GALNT3: variants seen among roughly 807,000 people sequenced by gnomAD.
GALNT3 encodes GalNAc transferase 3.
In GALNT3, 51 loss-of-function variants were observed where a neutral mutation model predicts 69.8. That is an observed-to-expected ratio of 0.73 (90% CI 0.58 to 0.92). GALNT3 has a LOEUF of 0.92. GALNT3 is among the 40% of genes least tolerant of loss of function. The pLI, the probability that GALNT3 is intolerant of heterozygous loss-of-function variation, is 0.00. For synonymous variants in GALNT3, 265 were observed against 248.5 expected, an observed-to-expected ratio of 1.07 and a Z score of -0.63; for missense variants, 711 against 760.0, an observed-to-expected ratio of 0.94 and a Z score of 0.76.
chr2:165,752,483 A>G (rs1235478032), intron 9 of GALNT3, among the ~76,000 whole-genome samples: 1 of 152,194 alleles, frequency 6.6e-6, no homozygotes, highest in Non-Finnish European at 1.5e-5. Flanking sequence ...GCTACTTTAT[A>G]GGTTCTAAAC....
chr2:165,763,195 TG>T, intron 3 of GALNT3, among the ~76,000 whole-genome samples: 1 of 152,148 alleles, frequency 6.6e-6, no homozygotes, highest in Non-Finnish European at 1.5e-5. Flanking sequence ...GCAGCCTTCT[TG>T]GGCCCAAAAC....
chr2:165,786,451 C>T (rs553204316), intron 1 of GALNT3, among the ~76,000 whole-genome samples: 1 of 152,316 alleles, frequency 6.6e-6, no homozygotes, highest in East Asian at 1.9e-4. Context: ...ACACCAGCAT[C>T]TGCAGATGTT....
chr2:165,786,267 T>C (rs569322844), intron 1 of GALNT3, among the ~76,000 whole-genome samples: 8 of 152,284 alleles, frequency 5.3e-5, no homozygotes, highest in African/African-American at 1.9e-4. Context: ...ATGAAAGTAG[T>C]TGCTTTTAGG....
chr2:165,781,897 G>A (rs1683118370), intron 1 of GALNT3, among the ~76,000 whole-genome samples: 1 of 152,086 alleles, frequency 6.6e-6, no homozygotes, highest in African/African-American at 2.4e-5. Flanking sequence ...ATTGTTTTTG[G>A]TGGTCCTTGT....
intron 1 of GALNT3, among the ~76,000 whole-genome samples, chr2:165,774,617 G>A (rs563779768): frequency 1.0e-3 from 153 of 152,258 alleles, no homozygotes; most frequent in African/African-American, 3.4e-3. Flanking sequence ...GTAGGTTTTA[G>A]TTTGGGATGC....
intron 1 of GALNT3, among the ~76,000 whole-genome samples, chr2:165,788,915 C>A (rs1358572486): frequency 6.6e-6 from 1 of 152,114 alleles, no homozygotes; most frequent in Admixed American, 6.6e-5. Context: ...AGAGAATTTG[C>A]ATTTCTAAAA....
chr2:165,787,914 C>T (rs1173165281), intron 1 of GALNT3, among the ~76,000 whole-genome samples: 2 of 151,786 alleles, frequency 1.3e-5, no homozygotes, highest in Admixed American at 1.3e-4. Flanking sequence ...CCAAAAGGTC[C>T]CAAAATAAAA....
At position 165,757,584 on chromosome 2, in the gene GALNT3, A is replaced by G. The variant is rs371741677; in HGVS notation, c.1192-337T>C. On this transcript the variant is annotated intron_variant, in intron 6 of 10. Transcript: ENST00000392701. The stretch of plus-strand genomic sequence containing the variant: ...CACAGAAAACTAAAGGCTCTTATGC[A>G]TTTGACTTCTGTCTGAACTACTGAC... Among the ~76,000 whole-genome samples the G allele has an allele frequency of 3.6e-4, 55 of 152,320 alleles. 1 individual carries two copies. The East Asian group carries it at 0.01, about 28-fold the overall frequency.
At chr2:165,779,183 C>A (rs1240450678) in intron 1 of GALNT3, among the ~76,000 whole-genome samples, 2 of 152,146 alleles carry the variant, frequency 1.3e-5, no homozygotes, top group African/African-American at 2.4e-5. Context: ...AGCCAGTGAG[C>A]ATCACAGAAA....
chr2:165,785,866 C>A (rs1006141764), intron 1 of GALNT3, among the ~76,000 whole-genome samples: 1 of 151,976 alleles, frequency 6.6e-6, no homozygotes, highest in East Asian at 1.9e-4. Context: ...GAAAACCAAG[C>A]TGAAAAGATG....
At chr2:165,757,313 T>C (rs970980017) in intron 6 of GALNT3, 66 bp from the exon 7 acceptor site, 14 of 1,504,290 alleles carry the variant, frequency 9.3e-6, no homozygotes, top group African/African-American at 1.4e-5. Flanking sequence ...TGCTTTTAAG[T>C]TCACCTTTAA....
intron 7 of GALNT3, 66 bp from the exon 8 acceptor site, chr2:165,755,129 C>A: frequency 7.3e-7 from 1 of 1,373,808 alleles, no homozygotes; most frequent in Non-Finnish European, 1.0e-6. Flanking sequence ...ACTTAAAATA[C>A]TCTTATTTGT....
intron 2 of GALNT3, among the ~76,000 whole-genome samples, chr2:165,768,660 C>T (rs1688691082): frequency 6.6e-6 from 1 of 152,140 alleles, no homozygotes; most frequent in South Asian, 2.1e-4. Flanking sequence ...AATCCTAAAT[C>T]TAGAAAAACC....
intron 9 of GALNT3, among the ~76,000 whole-genome samples, chr2:165,754,417 T>A (rs1172666359): frequency 6.2e-4 from 55 of 88,796 alleles, no homozygotes; most frequent in Non-Finnish European, 1.2e-3. Flanking sequence ...TTTTTTTTTT[T>A]AATGGTTAAG....
rs141293620 is a variant in GALNT3, at chr2:165,759,470, C to T, written c.939G>A (p.Thr313=). ...SPDIASIDLN[T]FEFNKPSPYG... ...AAGGAGAAGGTTTGTTGAATTCAAA[C>T]GTGTTCAGATCTATGGATGCAATAT... is the stretch of plus-strand genomic sequence containing the variant. Residue 313 remains threonine, a synonymous_variant, in exon 5 of 11, where the codon ACG becomes ACA. Coordinates refer to ENST00000392701, the MANE Select transcript of GALNT3 (RefSeq NM_004482.4). 1.3e-5 allele frequency: 21 copies of T among 1,614,020 alleles called. No individual in the cohort carries two copies. Among genetic ancestry groups the T allele is most frequent in the Non-Finnish European group, 1.7e-5 (20 of 1,180,000 alleles).
intron 3 of GALNT3, among the ~76,000 whole-genome samples, chr2:165,762,663 C>G (rs1455719069): frequency 6.6e-6 from 1 of 152,100 alleles, no homozygotes. Flanking sequence ...AAATATGAAA[C>G]AGGCAAATTT....
intron 1 of GALNT3, among the ~76,000 whole-genome samples, chr2:165,787,192 A>C (rs1683240762): frequency 6.6e-6 from 1 of 152,200 alleles, no homozygotes; most frequent in African/African-American, 2.4e-5. Context: ...TAGTGATGAA[A>C]AAGTGGGAGC....
chr2:165,770,948 C>T (rs1688742745), intron 1 of GALNT3, 140 bp from the exon 2 acceptor site: 1 of 376,576 alleles, frequency 2.7e-6, no homozygotes, highest in Non-Finnish European at 4.7e-6. Flanking sequence ...ATCTTGTCCT[C>T]AAGAAAATTA....
intron 3 of GALNT3, among the ~76,000 whole-genome samples, chr2:165,764,559 T>C (rs1399212037): frequency 6.6e-6 from 1 of 152,232 alleles, no homozygotes; most frequent in African/African-American, 2.4e-5. Context: ...CCAAGTCATA[T>C]AGTTGGTTAG....
Sources: allele counts gnomAD v4.1 joint callset (sites outside exome capture counted in the v4.1 genomes callset), GRCh38; gene constraint gnomAD v4.1.1; transcripts MANE v1.5; gene names NCBI Gene and HGNC (gene_info 2026-07-23, HGNC 2026-07-21).